Variants in ASAP1 observed in about 807,000 individuals in gnomAD.
ASAP1 encodes arf-GAP with SH3 domain, ANK repeat and PH domain-containing protein 1.
In ASAP1, 43 loss-of-function variants were observed where a neutral mutation model predicts 145.2. The ratio of observed to expected loss-of-function variants is 0.30; its 90% CI spans 0.23 to 0.38. The LOEUF is 0.38. ASAP1 is among the 10% of genes least tolerant of loss of function. ASAP1 has a pLI of 1.00. For missense variants in ASAP1, 1,018 were observed against 1,355.3 expected, an observed-to-expected ratio of 0.75 and a Z score of 3.91; for synonymous variants, 546 against 515.5, an observed-to-expected ratio of 1.06 and a Z score of -0.80.
chr8:130,134,205 T>TA, intron 15 of ASAP1, 91 bp downstream of exon 15: 1 of 1,060,656 alleles, frequency 9.4e-7, no homozygotes, highest in Admixed American at 2.6e-5. Context: ...GCGAGGTTCT[T>TA]ACAAATGAAA....
At chr8:130,387,452 C>T (rs1429440010) in intron 2 of ASAP1, among the ~76,000 whole-genome samples, 1 of 151,788 alleles carries the variant, frequency 6.6e-6, no homozygotes, top group African/African-American at 2.4e-5. Flanking sequence ...AGGAGAATCA[C>T]TTGGACCCAG....
At chr8:130,343,748 A>C (rs1825533738) in intron 3 of ASAP1, among the ~76,000 whole-genome samples, 1 of 152,252 alleles carries the variant, frequency 6.6e-6, no homozygotes, top group Non-Finnish European at 1.5e-5. Context: ...GAAACTGCTA[A>C]GCCAACTGTA....
At chr8:130,380,698 A>G (rs545488732) in intron 2 of ASAP1, among the ~76,000 whole-genome samples, 1 of 152,362 alleles carries the variant, frequency 6.6e-6, no homozygotes, top group East Asian at 1.9e-4. Context: ...CAGCAGCCAC[A>G]GGAAAAAAGT....
intron 3 of ASAP1, among the ~76,000 whole-genome samples, chr8:130,276,353 T>C (rs1349164073): frequency 6.6e-6 from 1 of 152,192 alleles, no homozygotes; most frequent in Admixed American, 6.5e-5. Flanking sequence ...TTATAAAGGA[T>C]AAATGATTTA....
At chr8:130,073,395 A>G (rs2097454522) in intron 27 of ASAP1, among the ~76,000 whole-genome samples, 1 of 151,936 alleles carries the variant, frequency 6.6e-6, no homozygotes, top group Non-Finnish European at 1.5e-5. Context: ...CGTCTCAAAA[A>G]AAAAAAAAAA....
intron 25 of ASAP1, among the ~76,000 whole-genome samples, chr8:130,080,718 G>A (rs999574617): frequency 1.3e-5 from 2 of 151,662 alleles, no homozygotes; most frequent in Non-Finnish European, 2.9e-5. Flanking sequence ...CTGCAGCATC[G>A]GCCTCCTGGG....
chr8:130,238,213 C>G (rs942140269), intron 3 of ASAP1, among the ~76,000 whole-genome samples: 4 of 152,100 alleles, frequency 2.6e-5, no homozygotes, highest in Non-Finnish European at 4.4e-5. Context: ...CTGGACTCAA[C>G]GTCATTCCTC....
At chr8:130,183,065 CAAG>C (rs1430540029) in intron 7 of ASAP1, among the ~76,000 whole-genome samples, 1 of 151,898 alleles carries the variant, frequency 6.6e-6, no homozygotes, top group Admixed American at 6.6e-5. Flanking sequence ...GGAAGAATTA[CAAG>C]AAGTTTCCAG....
intron 2 of ASAP1, among the ~76,000 whole-genome samples, chr8:130,379,708 A>G (rs891473438): frequency 6.6e-6 from 1 of 152,208 alleles, no homozygotes; most frequent in Non-Finnish European, 1.5e-5. Flanking sequence ...GAAACACTCT[A>G]CTTCACCAGA....
At chr8:130,093,244 A>G (rs2097509444) in intron 24 of ASAP1, among the ~76,000 whole-genome samples, 2 of 152,192 alleles carry the variant, frequency 1.3e-5, no homozygotes, top group Non-Finnish European at 1.5e-5. Flanking sequence ...AGTTTTGTTT[A>G]TTCAAAGTGA....
At position 130,358,623 on chromosome 8, in the gene ASAP1, G is replaced by T. The variant is rs951649608; in HGVS notation, c.60-480C>A. 1.0e-4 allele frequency among the ~76,000 whole-genome samples: 15 copies of T among 147,162 alleles called. No homozygotes were observed. The highest frequency in any genetic ancestry group is 3.7e-4 in the African/African-American group (15 of 40,888). ...GCGCACACTCCCGCGGCGGGCGGGC[G>T]GGCGGGCGGCGCTCGCGCTGCAGTC... On this transcript the variant is annotated intron_variant, in intron 2 of 29. Coordinates refer to ENST00000518721, the MANE Select transcript of ASAP1 (RefSeq NM_018482.4). The surrounding 1 kb of genome is among the most constrained non-coding windows in gnomAD (Gnocchi z 4.1).
Position 130,060,605 on chromosome 8 carries a change from C to T in ASAP1, c.3166G>A (p.Val1056Ile), listed in dbSNP as rs576122621. ...GTATTGATTTTTCTGGGCAGTGGTA[C>T]GGGCGTCTCTGGCAGAGTAGGCGTG... ...DLTPTLPETP[V>I]PLPRKINTGK... The change falls in exon 28 of 30, where the codon GTA (valine) becomes ATA (isoleucine). Residue 1056 changes from valine (V) to isoleucine (I), a missense_variant. Physicochemically the swap from Val to Ile is conservative, Grantham distance 29. Transcript: ENST00000518721. 1.9e-5 allele frequency: 31 copies of T among 1,613,114 alleles called. No homozygotes were observed. Among genetic ancestry groups the T allele is most frequent in the African/African-American group, 1.3e-4 (10 of 74,900 alleles).
At position 130,397,568 on chromosome 8, in the gene ASAP1, G is replaced by A. The variant is rs545007144; in HGVS notation, c.59+4317C>T. ...CACTTGCCTACCCCATGGAACATCA[G>A]GTAGGTTCACAACTATGACAGTGAC... On this transcript the variant is annotated intron_variant, in intron 2 of 29. Coordinates refer to ENST00000518721, the MANE Select transcript of ASAP1 (RefSeq NM_018482.4). Among the ~76,000 whole-genome samples the A allele has an allele frequency of 8.5e-5, 13 of 152,326 alleles. No homozygotes were observed. The East Asian group carries it at 2.5e-3, about 29-fold the overall frequency.
intron 27 of ASAP1, among the ~76,000 whole-genome samples, chr8:130,072,824 T>TGTGTGTGTGTGTGTGTGTGTGTGA: frequency 3.1e-5 from 1 of 32,282 alleles, no homozygotes; most frequent in Non-Finnish European, 5.7e-5. Flanking sequence ...TGTGTGTGTG[T>TGTGTGTGTGTGTGTGTGTGTGTGA]GCGCGCGGGG....
intron 13 of ASAP1, 86 bp from the exon 14 acceptor site, chr8:130,137,124 T>A: frequency 1.9e-6 from 2 of 1,073,564 alleles, no homozygotes; most frequent in Non-Finnish European, 2.9e-6. Context: ...AGGTATGCTG[T>A]TCATAAGGCC....
intron 13 of ASAP1, among the ~76,000 whole-genome samples, chr8:130,144,088 C>G (rs139241324): frequency 4.6e-5 from 7 of 152,308 alleles, no homozygotes; most frequent in African/African-American, 1.4e-4. Flanking sequence ...ATGGTCATTT[C>G]AAAGTTTTCA....
intron 3 of ASAP1, among the ~76,000 whole-genome samples, chr8:130,262,817 T>C (rs557245761): frequency 2.6e-5 from 4 of 152,314 alleles, no homozygotes; most frequent in Admixed American, 1.3e-4. Flanking sequence ...CACAAAAGCC[T>C]GTTCCATGAC....
intron 29 of ASAP1, 137 bp from the exon 30 acceptor site, chr8:130,054,942 T>G (rs2097400460): frequency 1.4e-6 from 1 of 705,774 alleles, no homozygotes; most frequent in Non-Finnish European, 2.6e-6. Flanking sequence ...TTCCCACCCT[T>G]TAGTGAACTA....
intron 3 of ASAP1, among the ~76,000 whole-genome samples, chr8:130,351,666 A>C (rs1445064607): frequency 6.6e-6 from 1 of 152,188 alleles, no homozygotes; most frequent in African/African-American, 2.4e-5. Flanking sequence ...GTGGAGACCC[A>C]AACTTTTAAA....
Sources: allele counts gnomAD v4.1 joint callset (sites outside exome capture counted in the v4.1 genomes callset), GRCh38; gene constraint gnomAD v4.1.1; non-coding constraint Gnocchi (gnomAD v3.1); transcripts MANE v1.5; gene names NCBI Gene and HGNC (gene_info 2026-07-23, HGNC 2026-07-21).